Variants in NAF1 observed in about 807,000 individuals in gnomAD.
NAF1 encodes H/ACA ribonucleoprotein complex non-core subunit NAF1.
A neutral mutation model predicts 40.6 loss-of-function variants in NAF1; 11 were observed. The ratio of observed to expected loss-of-function variants is 0.27; its 90% CI spans 0.17 to 0.45. The LOEUF (loss-of-function observed/expected upper bound fraction) is 0.45, where lower values mean the gene tolerates loss of function less well. Ranked by LOEUF, NAF1 falls within the 20% of genes least tolerant of loss-of-function variation. The probability of loss-of-function intolerance (pLI) is 1.00; values close to 1 mark genes in which losing one functional copy is unlikely to be tolerated. For synonymous variants in NAF1, 260 were observed against 228.5 expected (o/e 1.14, Z -1.24); for missense variants, 607 against 611.1 (o/e 0.99, Z 0.07).
intron 2 of NAF1, among the ~76,000 whole-genome samples, chr4:163,161,647 C>T (rs1417864343): frequency 6.6e-6 from 1 of 152,154 alleles, no homozygotes; most frequent in African/African-American, 2.4e-5. Flanking sequence ...AATAAACTTC[C>T]ATTTCTCCTG....
chr4:163,126,935 A>G (rs1484899098), downstream of NAF1: 7 of 1,525,682 alleles, frequency 4.6e-6, no homozygotes, highest in South Asian at 8.8e-5. Flanking sequence ...ACAGTAAAGT[A>G]TTCTCCAATT....
At chr4:163,110,843 C>T (rs1730139077) in intron 2 of NAF1, among the ~76,000 whole-genome samples, 1 of 152,072 alleles carries the variant, frequency 6.6e-6, no homozygotes, top group African/African-American at 2.4e-5. Context: ...GAACCTGGAA[C>T]TGTAATCTCT....
chr4:163,114,386 T>C (rs1730261037), intron 2 of NAF1, among the ~76,000 whole-genome samples: 1 of 152,212 alleles, frequency 6.6e-6, no homozygotes, highest in South Asian at 2.1e-4. Flanking sequence ...ACCTGTCCAA[T>C]CTTGTGAGTG....
intron 2 of NAF1, among the ~76,000 whole-genome samples, chr4:163,120,355 C>T (rs973382097): frequency 4.6e-5 from 7 of 152,228 alleles, no homozygotes; most frequent in African/African-American, 1.4e-4. Context: ...AATAGGAATT[C>T]TATACTAATA....
chr4:163,165,711 A>T (rs762038507), intron 1 of NAF1, among the ~76,000 whole-genome samples: 1 of 152,214 alleles, frequency 6.6e-6, no homozygotes, highest in Non-Finnish European at 1.5e-5. Context: ...AGTGTGGTTT[A>T]GTAACATCCC....
At chr4:163,112,428 C>T (rs983948742) in intron 2 of NAF1, among the ~76,000 whole-genome samples, 2 of 152,096 alleles carry the variant, frequency 1.3e-5, no homozygotes, top group Non-Finnish European at 2.9e-5. Context: ...TGTTAGGGAT[C>T]AACACTTAGG....
At chr4:163,132,011 T>C (rs1385546091) in intron 7 of NAF1, among the ~76,000 whole-genome samples, 2 of 152,160 alleles carry the variant, frequency 1.3e-5, no homozygotes, top group Non-Finnish European at 2.9e-5. Flanking sequence ...ACCACAATTA[T>C]ATTAGCACTA....
rs773125961 is a variant in NAF1, at chr4:163,145,850, T to C, written c.649A>G (p.Met217Val). 7 of 1,501,164 alleles carry C rather than the reference T, an allele frequency of 4.7e-6. No individual in the cohort carries two copies. The highest frequency in any genetic ancestry group is 3.6e-5 in the South Asian group (3 of 83,344). The allele number at this position is 1,501,164 out of a possible 1,614,324, so 93.0% of individuals were successfully genotyped here. The change falls in exon 4 of 8, where the codon ATG (methionine) becomes GTG (valine). Residue 217 changes from methionine (M) to valine (V), a missense_variant. This residue lies in a region of NAF1 where 407 missense variants were observed against 365.5 expected (regional missense o/e 1.11). Coordinates refer to ENST00000274054, the MANE Select transcript of NAF1 (RefSeq NM_138386.3). ...TCATTAACTGGAGGTAGGTTAGTCA[T>C]AGATTCAATTATTACTGAAAAATAA... is the stretch of plus-strand genomic sequence containing the variant. Reference protein sequence around the residue: ...IIEQLVIIESMTNLPPVNEET... With the variant: ...IIEQLVIIESVTNLPPVNEET...
intron 2 of NAF1, among the ~76,000 whole-genome samples, chr4:163,120,322 A>G (rs1277909065): frequency 6.6e-6 from 1 of 152,174 alleles, no homozygotes; most frequent in African/African-American, 2.4e-5. Context: ...ACTACACACC[A>G]CCATATCTAT....
intron 2 of NAF1, among the ~76,000 whole-genome samples, chr4:163,149,688 T>C (rs1329397291): frequency 6.6e-6 from 1 of 152,194 alleles, no homozygotes; most frequent in East Asian, 1.9e-4. Context: ...CCTTTCATCA[T>C]ATTAAACGTG....
intron 2 of NAF1, among the ~76,000 whole-genome samples, chr4:163,111,739 C>G (rs1349983703): frequency 6.6e-6 from 1 of 152,046 alleles, no homozygotes; most frequent in African/African-American, 2.4e-5. Flanking sequence ...GTAGAGCCAC[C>G]GCTAGTGTTT....
At chr4:163,157,658 A>G (rs1407765678) in intron 2 of NAF1, among the ~76,000 whole-genome samples, 1 of 152,026 alleles carries the variant, frequency 6.6e-6, no homozygotes, top group Non-Finnish European at 1.5e-5. Flanking sequence ...GATCCTAACC[A>G]CACTTCTGGA....
chr4:163,136,112 G>GATC (rs1731045822), intron 6 of NAF1: 1 of 152,134 alleles, frequency 6.6e-6, no homozygotes, highest in Admixed American at 6.6e-5. Flanking sequence ...TAGAAACACA[G>GATC]ATCATGATTT....
At chr4:163,158,693 A>G (rs992046550) in intron 2 of NAF1, among the ~76,000 whole-genome samples, 1 of 152,164 alleles carries the variant, frequency 6.6e-6, no homozygotes, top group Non-Finnish European at 1.5e-5. Flanking sequence ...ATATAAAACT[A>G]TAGTCCATCT....
chr4:163,126,962 T>A (rs998676654), downstream of NAF1: 3 of 1,543,234 alleles, frequency 1.9e-6, no homozygotes, highest in African/African-American at 2.8e-5. Flanking sequence ...TGCACATTGG[T>A]TTTTTTAGAC....
intron 2 of NAF1, among the ~76,000 whole-genome samples, chr4:163,121,121 C>T (rs1032139499): frequency 6.6e-6 from 1 of 152,066 alleles, no homozygotes; most frequent in African/African-American, 2.4e-5. Context: ...GAACTCCTGA[C>T]CTCAAGTGAT....
chr4:163,118,810 T>C (rs946235960), intron 2 of NAF1, among the ~76,000 whole-genome samples: 1 of 152,190 alleles, frequency 6.6e-6, no homozygotes, highest in African/African-American at 2.4e-5. Context: ...GTAACGGTCA[T>C]TGCTACTTGC....
intron 6 of NAF1, chr4:163,133,573 AGC>A: frequency 8.8e-6 from 2 of 226,798 alleles, no homozygotes. Flanking sequence ...TCAAGGACTA[AGC>A]AAATTATATA....
intron 4 of NAF1, among the ~76,000 whole-genome samples, chr4:163,142,993 T>C (rs1466244357): frequency 6.6e-6 from 1 of 152,174 alleles, no homozygotes; most frequent in African/African-American, 2.4e-5. Context: ...AAGGAAGTAA[T>C]AGATTGTAAG....
Sources: allele counts gnomAD v4.1 joint callset (sites outside exome capture counted in the v4.1 genomes callset), GRCh38; gene constraint gnomAD v4.1.1; regional missense constraint gnomAD v4.1.1; transcripts MANE v1.5; gene names NCBI Gene and HGNC (gene_info 2026-07-23, HGNC 2026-07-21).